NEBL: variants seen among roughly 807,000 people sequenced by gnomAD.
NEBL encodes nebulette.
NEBL carries 122 observed loss-of-function variants against 140.2 expected under a neutral mutation model. That is an observed-to-expected ratio of 0.87 (90% CI 0.75 to 1.01). The LOEUF is 1.01. Ranked by LOEUF, NEBL falls within the 50% of genes least tolerant of loss-of-function variation. NEBL has a pLI of 0.00. For missense variants in NEBL, 1,365 were observed against 1,231.3 expected, an observed-to-expected ratio of 1.11 and a Z score of -1.62; for synonymous variants, 436 against 398.9, an observed-to-expected ratio of 1.09 and a Z score of -1.11.
At chr10:20,851,004 A>G (rs1352945743) in intron 10 of NEBL, among the ~76,000 whole-genome samples, 2 of 152,230 alleles carry the variant, frequency 1.3e-5, no homozygotes, top group Non-Finnish European at 2.9e-5. Context: ...TAAAACACTC[A>G]CACAGACCTT....
At chr10:21,023,718 A>AATAT (rs1392973201) in intron 2 of NEBL, among the ~76,000 whole-genome samples, 1 of 152,034 alleles carries the variant, frequency 6.6e-6, no homozygotes, top group Non-Finnish European at 1.5e-5. Context: ...TAAATAAATA[A>AATAT]ATAAAATAAA....
Position 20,849,439 on chromosome 10 carries a change from G to A in NEBL, c.1116+956C>T, listed in dbSNP as rs139675939. 2.6e-5 allele frequency among the ~76,000 whole-genome samples: 4 copies of A among 152,242 alleles called. No homozygotes were observed. In the East Asian group the frequency reaches 7.7e-4, roughly 29 times the overall value. Reference sequence around the variant, plus strand: ...ACTTCATCCCCAACGCAACACTGTTGGGGGGTGGGAACTCTAAGAGGTGAT... The same window carrying A: ...ACTTCATCCCCAACGCAACACTGTTAGGGGGTGGGAACTCTAAGAGGTGAT... On this transcript the variant is annotated intron_variant, in intron 11 of 27. Coordinates refer to ENST00000377122, the MANE Select transcript of NEBL (RefSeq NM_006393.3).
chr10:21,190,584 A>G (rs1841555890), intron 3 of NEBL, among the ~76,000 whole-genome samples: 2 of 152,220 alleles, frequency 1.3e-5, no homozygotes, highest in South Asian at 4.1e-4. Context: ...TTTAAAGTAG[A>G]TGCTCTACTT....
rs116154181 is a variant in NEBL at position 20,802,178 on chromosome 10, A to G, written c.2761+6332T>C. Among the ~76,000 whole-genome samples the G allele has an allele frequency of 4.1e-3, 631 of 152,342 alleles. 6 individuals are homozygous for G. The highest frequency in any genetic ancestry group is 0.015 in the African/African-American group (603 of 41,578). On this transcript the variant is annotated intron_variant, in intron 26 of 27. Transcript: ENST00000377122. ...TTTCAATACCAGAAAACTGCAAGTT[A>G]AGGAAAACCAAAGAAACACAAAGTA...
intron 3 of NEBL, among the ~76,000 whole-genome samples, chr10:20,994,438 G>A (rs1336926846): frequency 2.0e-5 from 3 of 152,154 alleles, no homozygotes; most frequent in African/African-American, 7.2e-5. Flanking sequence ...AAAAATCACT[G>A]CATTAATTAA....
intron 3 of NEBL, among the ~76,000 whole-genome samples, chr10:21,011,845 C>A (rs1460262038): frequency 6.6e-6 from 1 of 152,188 alleles, no homozygotes; most frequent in Non-Finnish European, 1.5e-5. Context: ...ACTGTTCCTG[C>A]AATGGCAATG....
At chr10:21,168,555 A>T (rs1175015938) in intron 2 of NEBL, among the ~76,000 whole-genome samples, 1 of 152,232 alleles carries the variant, frequency 6.6e-6, no homozygotes, top group African/African-American at 2.4e-5. Context: ...TGTAAAGAAC[A>T]TTCTTAGGAC....
At chr10:21,284,029 T>A (rs1843024262) in intron 1 of NEBL, among the ~76,000 whole-genome samples, 1 of 92,902 alleles carries the variant, frequency 1.1e-5, no homozygotes, top group Non-Finnish European at 2.0e-5. Flanking sequence ...CAAAACCTAA[T>A]CTGCACTAAA....
At chr10:20,881,164 C>A (rs1478119538) in intron 4 of NEBL, among the ~76,000 whole-genome samples, 4 of 152,022 alleles carry the variant, frequency 2.6e-5, no homozygotes, top group African/African-American at 9.7e-5. Flanking sequence ...CTAGCTTAAA[C>A]CTCGGGTGTA....
At chr10:21,052,201 C>T (rs997384817) in intron 2 of NEBL, among the ~76,000 whole-genome samples, 2 of 152,198 alleles carry the variant, frequency 1.3e-5, no homozygotes, top group African/African-American at 4.8e-5. Context: ...AGCTGTCACC[C>T]TCCAAAGGAG....
At position 20,780,432 on chromosome 10, in the gene NEBL, CACTT is replaced by C. The variant is rs1342616891; in HGVS notation, c.*5311_*5314del. ...GCTTGGAGAAGCATAATATTGTTAT[CACTT>C]ACAACTAAGTTTATTTGGGGGAGGA... On this transcript the variant is annotated 3_prime_UTR_variant, in exon 28 of 28. Transcript: ENST00000377122. The C allele has an allele frequency of 6.6e-6, 1 of 152,178 alleles. No individual in the cohort carries two copies. Among genetic ancestry groups the C allele is most frequent in the African/African-American group, 2.4e-5 (1 of 41,442 alleles). The allele number at this position is 152,178 out of a possible 1,614,324, so 9.4% of individuals were successfully genotyped here.
rs1320261846 is a variant in NEBL, at chr10:20,789,876, TAC to T, written c.2762-2570_2762-2569del. On this transcript the variant is annotated intron_variant, in intron 26 of 27. Transcript: ENST00000377122. The stretch of plus-strand genomic sequence containing the variant: ...TTTTATATATATATATACATACACA[TAC>T]ACACACACATATATATATGTATAGA... Among the ~76,000 whole-genome samples the T allele has an allele frequency of 1.8e-4, 26 of 147,158 alleles. 1 individual carries two copies. Among genetic ancestry groups the T allele is most frequent in the Non-Finnish European group, 3.3e-4 (22 of 67,014 alleles).
At chr10:21,229,021 G>T (rs1842209104) in intron 3 of NEBL, among the ~76,000 whole-genome samples, 1 of 152,000 alleles carries the variant, frequency 6.6e-6, no homozygotes, top group South Asian at 2.1e-4. Flanking sequence ...CCAACCCATA[G>T]TGGACATAGA....
intron 1 of NEBL, among the ~76,000 whole-genome samples, chr10:21,280,052 TA>T (rs890618977): frequency 1.3e-5 from 2 of 151,762 alleles, no homozygotes; most frequent in Non-Finnish European, 2.9e-5. Context: ...CTAAAGACCC[TA>T]AAAAAAAGCC....
chr10:20,858,117 G>A, intron 9 of NEBL, 123 bp downstream of exon 9: 1 of 757,372 alleles, frequency 1.3e-6, no homozygotes, highest in Non-Finnish European at 2.3e-6. Context: ...CAATGAGTTA[G>A]TTAACGAGGG....
chr10:20,937,592 G>A (rs897022498), intron 4 of NEBL, among the ~76,000 whole-genome samples: 4 of 152,260 alleles, frequency 2.6e-5, no homozygotes, highest in East Asian at 1.9e-4. Flanking sequence ...GAAAGTGGGT[G>A]CAGGACAGTG....
rs983155618 is a variant in NEBL, at chr10:20,819,640, A to T, written c.1963-124T>A. On this transcript the variant is annotated intron_variant, in intron 19 of 27. Coordinates refer to ENST00000377122, the MANE Select transcript of NEBL (RefSeq NM_006393.3). ...ATTCATTAATAAGATCATCATCAGG[A>T]TTTCATAGTGAAATATGTATTGCTT... 2.2e-5 allele frequency: 27 copies of T among 1,203,734 alleles called. No homozygotes were observed. The Admixed American group carries it at 4.6e-4, about 21-fold the overall frequency. 74.6% of individuals were successfully genotyped at this position (1,203,734 alleles called of 1,614,324 possible). A position where few individuals can be genotyped will look rare whatever the true frequency, so the allele number is the denominator to read the frequency against.
intron 2 of NEBL, among the ~76,000 whole-genome samples, chr10:21,124,071 T>G (rs1016985549): frequency 3.9e-5 from 6 of 152,104 alleles, no homozygotes; most frequent in African/African-American, 1.4e-4. Context: ...ATTTGTAGAA[T>G]TTCATATAAT....
intron 2 of NEBL, among the ~76,000 whole-genome samples, chr10:21,023,808 T>C (rs1372767647): frequency 1.3e-5 from 2 of 152,160 alleles, no homozygotes; most frequent in Non-Finnish European, 2.9e-5. Flanking sequence ...GCAATTTGTG[T>C]CTCTTCACTA....
Sources: gnomAD v4.1 joint callset for allele counts (sites outside exome capture counted in the v4.1 genomes callset) on GRCh38, gnomAD v4.1.1 for gene constraint, MANE v1.5 for transcripts, NCBI Gene and HGNC (gene_info 2026-07-23, HGNC 2026-07-21) for gene names.